The following SLC41A2 variants were observed in gnomAD, a reference collection of about 807,000 sequenced individuals.
SLC41A2 encodes the protein SLC41A1-like 1.
In SLC41A2, 32 loss-of-function variants were observed where a neutral mutation model predicts 58.3. The observed-to-expected ratio is 0.55, with a 90% CI of 0.41 to 0.74. The LOEUF (loss-of-function observed/expected upper bound fraction) is 0.74, where lower values mean the gene tolerates loss of function less well. SLC41A2 is among the 30% of genes least tolerant of loss of function. The pLI, the probability that SLC41A2 is intolerant of heterozygous loss-of-function variation, is 0.00. For synonymous variants in SLC41A2, 190 were observed against 235.0 expected, an observed-to-expected ratio of 0.81 and a Z score of 1.75; for missense variants, 514 against 680.6, an observed-to-expected ratio of 0.76 and a Z score of 2.72.
chr12:104,865,915 T>C (rs1292379980), intron 7 of SLC41A2, among the ~76,000 whole-genome samples: 3 of 152,186 alleles, frequency 2.0e-5, no homozygotes, highest in Non-Finnish European at 4.4e-5. Flanking sequence ...TCTATTTATT[T>C]TTGTTATTAA....
At chr12:104,913,498 G>C (rs2046173196) in intron 2 of SLC41A2, among the ~76,000 whole-genome samples, 1 of 152,194 alleles carries the variant, frequency 6.6e-6, no homozygotes, top group Non-Finnish European at 1.5e-5. Flanking sequence ...GTTCTGGCCA[G>C]TCTACATGGG....
intron 1 of SLC41A2, chr12:104,931,565 A>G (rs2047053425): frequency 6.6e-6 from 1 of 152,244 alleles, no homozygotes; most frequent in Non-Finnish European, 1.5e-5. Context: ...GCACATAAAT[A>G]AAAGAGATAA....
chr12:104,919,964 T>C (rs1185765720), intron 2 of SLC41A2, among the ~76,000 whole-genome samples: 1 of 152,198 alleles, frequency 6.6e-6, no homozygotes, highest in Non-Finnish European at 1.5e-5. Context: ...TATTTAAGTG[T>C]GTGGTCCATA....
At chr12:104,932,461 C>T (rs1229551209) in intron 1 of SLC41A2, among the ~76,000 whole-genome samples, 2 of 151,538 alleles carry the variant, frequency 1.3e-5, no homozygotes, top group Admixed American at 6.6e-5. Flanking sequence ...CTTGTCTCTA[C>T]AAAAAATGCA....
chr12:104,809,944 C>T (rs1335516900), intron 10 of SLC41A2, among the ~76,000 whole-genome samples: 4 of 152,128 alleles, frequency 2.6e-5, no homozygotes, highest in Admixed American at 6.5e-5. Context: ...TTCACACCTG[C>T]GTCTTCAGTA....
intron 10 of SLC41A2, among the ~76,000 whole-genome samples, chr12:104,832,882 G>C (rs778572639): frequency 1.3e-5 from 2 of 152,064 alleles, no homozygotes; most frequent in Non-Finnish European, 2.9e-5. Context: ...ATTCTTGTTT[G>C]TCTTACAGTC....
chr12:104,819,993 A>G (rs2041562697), intron 10 of SLC41A2, among the ~76,000 whole-genome samples: 1 of 152,250 alleles, frequency 6.6e-6, no homozygotes, highest in South Asian at 2.1e-4. Flanking sequence ...CGTCTCAGTA[A>G]TATCAGGCAT....
intron 10 of SLC41A2, among the ~76,000 whole-genome samples, chr12:104,825,695 G>T (rs1592944886): frequency 6.6e-6 from 1 of 152,148 alleles, no homozygotes; most frequent in African/African-American, 2.4e-5. Flanking sequence ...TATCTTTTCA[G>T]TCCCAAACTC....
chr12:104,804,729 C>T lies in SLC41A2; in HGVS notation c.*423G>A, dbSNP rs1442448899. The T allele has an allele frequency of 2.0e-5, 3 of 153,718 alleles. No homozygotes were observed. Among genetic ancestry groups the T allele is most frequent in the Non-Finnish European group, 4.4e-5 (3 of 68,934 alleles). The allele number at this position is 153,718 out of a possible 1,614,324, so 9.5% of individuals were successfully genotyped here. On this transcript the variant is annotated 3_prime_UTR_variant, in exon 11 of 11. Coordinates refer to ENST00000258538, the MANE Select transcript of SLC41A2 (RefSeq NM_001352171.3). ...ATTCAAAGCTTGGTTGGGCACTCTT[C>T]GTTTTATAGTATGCCTGGGATACAG...
rs189952963 is a variant in SLC41A2, at chr12:104,848,341, T to C, written c.1256-2367A>G. Among the ~76,000 whole-genome samples the C allele has an allele frequency of 7.9e-5, 12 of 152,228 alleles. No homozygotes were observed. The East Asian group carries it at 1.2e-3, about 15-fold the overall frequency. ...ACATAAAGCAGTACTTAGCAATTCA[T>C]AGCATTACTTATATTAGGAAAGAAG... is the stretch of plus-strand genomic sequence containing the variant. On this transcript the variant is annotated intron_variant, in intron 8 of 10. Transcript: ENST00000258538.
intron 2 of SLC41A2, among the ~76,000 whole-genome samples, chr12:104,913,008 G>A (rs914511241): frequency 2.0e-5 from 3 of 152,110 alleles, no homozygotes; most frequent in Non-Finnish European, 4.4e-5. Context: ...CTGTTGGAAT[G>A]CACGCCTATA....
intron 6 of SLC41A2, among the ~76,000 whole-genome samples, chr12:104,876,213 A>G (rs1182632762): frequency 6.6e-6 from 1 of 151,966 alleles, no homozygotes; most frequent in Non-Finnish European, 1.5e-5. Flanking sequence ...TAGAAGAGCC[A>G]ACTAAGTTTT....
At chr12:104,825,319 G>C (rs951873994) in intron 10 of SLC41A2, among the ~76,000 whole-genome samples, 3 of 152,162 alleles carry the variant, frequency 2.0e-5, no homozygotes, top group Non-Finnish European at 2.9e-5. Flanking sequence ...AGTCACAAGG[G>C]GGGCAGGAGA....
chr12:104,874,025 T>C (rs1392470339), intron 6 of SLC41A2, among the ~76,000 whole-genome samples: 1 of 152,040 alleles, frequency 6.6e-6, no homozygotes, highest in Non-Finnish European at 1.5e-5. Context: ...GTAGAAACTT[T>C]TAAATTTGGC....
At chr12:104,862,742 T>C (rs1292348862) in intron 7 of SLC41A2, among the ~76,000 whole-genome samples, 1 of 152,214 alleles carries the variant, frequency 6.6e-6, no homozygotes, top group Non-Finnish European at 1.5e-5. Context: ...AATGACTAAA[T>C]TGAGCTAATT....
In SLC41A2 at chr12:104,834,544, G is replaced by A. The variant is rs1274820382; in HGVS notation, c.1536+9928C>T. 2.0e-5 allele frequency among the ~76,000 whole-genome samples: 3 copies of A among 152,110 alleles called. No individual in the cohort carries two copies. The East Asian group carries it at 5.8e-4, about 29-fold the overall frequency. On this transcript the variant is annotated intron_variant, in intron 10 of 10. Transcript: ENST00000258538. ...ACAAAATAAAGAGCTCCTACTTTCA[G>A]TTAGAATCTGGTAGAATTAAATCCT...
At position 104,804,142 on chromosome 12, in the gene SLC41A2, C is replaced by CAAAAAAAAAAAAAAA. The variant is rs11355284; in HGVS notation, c.*995_*1009dup. ...TGGGCGACAGAGCAAGACTCTGTCTCAAAAAAAAAAAAAAAAAAAAAAAAA... is the reference window on the plus strand; with the variant it reads ...TGGGCGACAGAGCAAGACTCTGTCTCAAAAAAAAAAAAAAAAAAAAAAAAAAAAAAAAAAAAAAAA... On this transcript the variant is annotated 3_prime_UTR_variant, in exon 11 of 11. Transcript: ENST00000258538. 1 of 61,396 alleles carries CAAAAAAAAAAAAAAA rather than the reference C, an allele frequency of 1.6e-5. No individual in the cohort carries two copies. The allele number at this position is 61,396 out of a possible 1,614,324, so 3.8% of individuals were successfully genotyped here. A position where few individuals can be genotyped will look rare whatever the true frequency, so the allele number is the denominator to read the frequency against.
At chr12:104,847,918 T>C (rs2042666308) in intron 8 of SLC41A2, among the ~76,000 whole-genome samples, 1 of 152,228 alleles carries the variant, frequency 6.6e-6, no homozygotes, top group Non-Finnish European at 1.5e-5. Context: ...CTATTAATGA[T>C]GTTAAGGGAG....
chr12:104,862,289 AG>A (rs111566108), intron 7 of SLC41A2, among the ~76,000 whole-genome samples: 12 of 152,344 alleles, frequency 7.9e-5, no homozygotes, highest in African/African-American at 2.9e-4. Context: ...ATGCCTTAAT[AG>A]GCCTAAACTG....
Sources: gnomAD v4.1 joint callset for allele counts (sites outside exome capture counted in the v4.1 genomes callset) on GRCh38, gnomAD v4.1.1 for gene constraint, MANE v1.5 for transcripts, NCBI Gene and HGNC (gene_info 2026-07-23, HGNC 2026-07-21) for gene names.